The following CAMK1D variants were observed in gnomAD, a reference collection of about 807,000 sequenced individuals.
CAMK1D encodes the protein calcium/calmodulin dependent protein kinase ID.
CAMK1D carries 9 observed loss-of-function variants against 47.7 expected under a neutral mutation model. That is an observed-to-expected ratio of 0.19 (90% confidence interval 0.11 to 0.33). The LOEUF (loss-of-function observed/expected upper bound fraction) is 0.33, where lower values mean the gene tolerates loss of function less well. Ranked by LOEUF, CAMK1D falls within the 10% of genes least tolerant of loss-of-function variation. CAMK1D has a pLI of 1.00. For synonymous variants in CAMK1D, 184 were observed against 184.9 expected (o/e 0.99, Z 0.04); for missense variants, 291 against 488.7 (o/e 0.60, Z 3.81).
chr10:12,770,015 A>G (rs1483950363), intron 5 of CAMK1D, among the ~76,000 whole-genome samples: 1 of 152,262 alleles, frequency 6.6e-6, no homozygotes, highest in Non-Finnish European at 1.5e-5. Context: ...AAACTTTTGC[A>G]CAGTTGGGTA....
intron 8 of CAMK1D, among the ~76,000 whole-genome samples, chr10:12,823,067 C>T (rs1833068722): frequency 6.6e-6 from 1 of 152,194 alleles, no homozygotes; most frequent in Non-Finnish European, 1.5e-5. Context: ...TATATCGACT[C>T]TGTCCACCCT....
intron 1 of CAMK1D, among the ~76,000 whole-genome samples, chr10:12,466,328 A>AGGC (rs1833589011): frequency 6.6e-6 from 1 of 152,170 alleles, no homozygotes; most frequent in Non-Finnish European, 1.5e-5. Flanking sequence ...GAATGGTGTG[A>AGGC]ACCTGGGAGG....
At chr10:12,640,714 C>G (rs551914038) in intron 2 of CAMK1D, among the ~76,000 whole-genome samples, 1 of 152,012 alleles carries the variant, frequency 6.6e-6, no homozygotes, top group Non-Finnish European at 1.5e-5. Context: ...TATTCCTGAC[C>G]GAAGCTGTCA....
At chr10:12,758,798 G>C (rs1049029831) in intron 3 of CAMK1D, among the ~76,000 whole-genome samples, 1 of 152,176 alleles carries the variant, frequency 6.6e-6, no homozygotes, top group East Asian at 1.9e-4. Flanking sequence ...AGCAGTGGAA[G>C]GGGTAAGCGT....
At chr10:12,756,921 T>G (rs1041829179) in intron 3 of CAMK1D, among the ~76,000 whole-genome samples, 1 of 152,204 alleles carries the variant, frequency 6.6e-6, no homozygotes. Flanking sequence ...AGACTCCGTC[T>G]CAAAATAAAA....
At chr10:12,774,454 G>A (rs754670339) in intron 5 of CAMK1D, among the ~76,000 whole-genome samples, 1 of 152,070 alleles carries the variant, frequency 6.6e-6, no homozygotes, top group African/African-American at 2.4e-5. Context: ...AGGAAGGAGA[G>A]GAATAGGAGA....
intron 1 of CAMK1D, among the ~76,000 whole-genome samples, chr10:12,496,457 T>C (rs1834542332): frequency 6.6e-6 from 1 of 152,018 alleles, no homozygotes; most frequent in South Asian, 2.1e-4. Flanking sequence ...CCTCCACATG[T>C]CAGACAGCAG....
intron 1 of CAMK1D, among the ~76,000 whole-genome samples, chr10:12,490,269 C>T (rs1834342566): frequency 6.6e-6 from 1 of 152,112 alleles, no homozygotes; most frequent in Admixed American, 6.6e-5. Flanking sequence ...AAGTGTGAAA[C>T]AGCGAGACTG....
chr10:12,711,300 G>T lies in CAMK1D; in HGVS notation c.299+44490G>T, dbSNP rs372520463. On this transcript the variant is annotated intron_variant, in intron 3 of 10. Transcript: ENST00000619168. The stretch of plus-strand genomic sequence containing the variant: ...GGGGGCGCCACCTGCAGGCTAAGGG[G>T]GAAAACACAGAGCGAGAAACTGAAC... 3.3e-5 allele frequency among the ~76,000 whole-genome samples: 5 copies of T among 152,248 alleles called. No individual in the cohort carries two copies. The East Asian group carries it at 9.6e-4, about 29-fold the overall frequency.
intron 1 of CAMK1D, among the ~76,000 whole-genome samples, chr10:12,461,851 G>A (rs566796543): frequency 3.3e-5 from 5 of 152,040 alleles, no homozygotes; most frequent in Non-Finnish European, 7.3e-5. Flanking sequence ...GTTTTGCCAC[G>A]TATCTTTGGA....
At chr10:12,589,083 C>T (rs1292190063) in intron 2 of CAMK1D, among the ~76,000 whole-genome samples, 1 of 152,050 alleles carries the variant, frequency 6.6e-6, no homozygotes, top group Non-Finnish European at 1.5e-5. Context: ...CTCACTGCAG[C>T]CTCCATCTCC....
rs988428245 is a variant in CAMK1D, at chr10:12,544,749, A to G, written c.93-8476A>G. Among the ~76,000 whole-genome samples, 506 of 149,266 alleles carry G rather than the reference A, an allele frequency of 3.4e-3. 1 individual carries two copies. The highest frequency in any genetic ancestry group is 0.011 in the African/African-American group (457 of 40,562). Reference sequence around the variant, plus strand: ...CTAGTGTTGAGTGGATAGTACTAGTATTGAGTGGATGGTACTAGTGTTGAG... The same window carrying G: ...CTAGTGTTGAGTGGATAGTACTAGTGTTGAGTGGATGGTACTAGTGTTGAG... On this transcript the variant is annotated intron_variant, in intron 1 of 10. Coordinates refer to ENST00000619168, the MANE Select transcript of CAMK1D (RefSeq NM_153498.4).
chr10:12,764,381 CAAAAA>C (rs56657709), intron 4 of CAMK1D, among the ~76,000 whole-genome samples: 1 of 77,984 alleles, frequency 1.3e-5, no homozygotes, highest in Non-Finnish European at 2.3e-5. Flanking sequence ...CACTTTGTCT[CAAAAA>C]AAAAAAAAAA....
At chr10:12,600,868 A>G (rs1006055346) in intron 2 of CAMK1D, among the ~76,000 whole-genome samples, 1 of 152,340 alleles carries the variant, frequency 6.6e-6, no homozygotes, top group Non-Finnish European at 1.5e-5. Context: ...GTGGGTGAGA[A>G]CATGTGGTAT....
intron 1 of CAMK1D, among the ~76,000 whole-genome samples, chr10:12,511,637 C>A (rs554010717): frequency 1.3e-5 from 2 of 152,296 alleles, no homozygotes; most frequent in Admixed American, 1.3e-4. Context: ...AACAAAAAAA[C>A]CACATATCTG....
chr10:12,790,370 G>T (rs562861550), intron 5 of CAMK1D, among the ~76,000 whole-genome samples: 4 of 152,304 alleles, frequency 2.6e-5, no homozygotes, highest in Admixed American at 2.6e-4. Context: ...GAGGGCCCAG[G>T]GAGGGGCTTC....
At chr10:12,541,325 T>C (rs1174591337) in intron 1 of CAMK1D, among the ~76,000 whole-genome samples, 2 of 152,190 alleles carry the variant, frequency 1.3e-5, no homozygotes, top group Non-Finnish European at 2.9e-5. Context: ...CATTGAACAT[T>C]GAGACCATTG....
intron 2 of CAMK1D, among the ~76,000 whole-genome samples, chr10:12,572,642 A>G (rs1185031162): frequency 1.3e-5 from 2 of 151,938 alleles, no homozygotes; most frequent in African/African-American, 4.8e-5. Flanking sequence ...CTAAAGTTTT[A>G]ATTTTTAGAG....
chr10:12,701,489 G>A (rs1447039652), intron 3 of CAMK1D, among the ~76,000 whole-genome samples: 1 of 152,158 alleles, frequency 6.6e-6, no homozygotes, highest in Non-Finnish European at 1.5e-5. Context: ...GGATGGGGAG[G>A]ACGAAGGTCT....
Sources: gnomAD v4.1 joint callset for allele counts (sites outside exome capture counted in the v4.1 genomes callset) on GRCh38, gnomAD v4.1.1 for gene constraint, MANE v1.5 for transcripts, NCBI Gene and HGNC (gene_info 2026-07-23, HGNC 2026-07-21) for gene names.